Variants in EPG5 observed in about 807,000 individuals in gnomAD.
EPG5 encodes the protein ectopic P-granules 5 autophagy tethering factor, also known as ectopic P granules protein 5 homolog.
A neutral mutation model predicts 302.7 loss-of-function variants in EPG5; 159 were observed. The ratio of observed to expected loss-of-function variants is 0.53; its 90% confidence interval spans 0.46 to 0.60. The LOEUF is 0.60. EPG5 is among the 20% of genes least tolerant of loss of function. EPG5 has a pLI of 0.00. For missense variants in EPG5, 2,896 were observed against 3,092.4 expected, an observed-to-expected ratio of 0.94 and a Z score of 1.51; for synonymous variants, 1,158 against 1,136.8, an observed-to-expected ratio of 1.02 and a Z score of -0.37.
chr18:45,861,655 G>T (rs1050851088), intron 39 of EPG5, among the ~76,000 whole-genome samples: 2 of 152,208 alleles, frequency 1.3e-5, no homozygotes, highest in African/African-American at 4.8e-5. Context: ...TTGCCAGGCT[G>T]ATGCTAAAAT....
chr18:45,858,442 A>G, intron 41 of EPG5, 124 bp downstream of exon 41: 1 of 709,504 alleles, frequency 1.4e-6, no homozygotes, highest in Non-Finnish European at 2.4e-6. Context: ...AACTGTCACC[A>G]TACCTTAAAA....
Position 45,917,711 on chromosome 18 carries a change from G to A in EPG5, c.3207C>T (p.Tyr1069=), listed in dbSNP as rs2050064368. The change falls in exon 17 of 44, where the codon TAC becomes TAT. Residue 1069 remains tyrosine (Y), a synonymous_variant. Coordinates refer to ENST00000282041, the MANE Select transcript of EPG5 (RefSeq NM_020964.3). ...HVLDKILPLF[Y]PCQYYLLKNE... ...TCTTCAGAAGGTAATACTGGCAAGG[G>A]TAAAATAAAGGCAGAATCTTATCCA... 1 of 1,614,168 alleles carries A rather than the reference G, an allele frequency of 6.2e-7. No homozygotes were observed. The highest frequency in any genetic ancestry group is 8.5e-7 in the Non-Finnish European group (1 of 1,180,008).
At chr18:45,854,554 A>G (rs1327816788) in intron 43 of EPG5, among the ~76,000 whole-genome samples, 1 of 152,100 alleles carries the variant, frequency 6.6e-6, no homozygotes, top group Non-Finnish European at 1.5e-5. Flanking sequence ...CCTCATCCAA[A>G]AAACCAGGAT....
chr18:45,965,976 C>G (rs1010403686), intron 1 of EPG5, among the ~76,000 whole-genome samples: 2 of 151,784 alleles, frequency 1.3e-5, no homozygotes, highest in African/African-American at 4.8e-5. Context: ...TCGCTTGAAC[C>G]CGGGAGGCGG....
At chr18:45,910,322 T>C (rs956694053) in intron 23 of EPG5, among the ~76,000 whole-genome samples, 199 bp downstream of exon 23, 3 of 152,162 alleles carry the variant, frequency 2.0e-5, no homozygotes, top group Non-Finnish European at 4.4e-5. Flanking sequence ...CACAAGTACA[T>C]CCAAACTGTT....
At chr18:45,930,636 A>C (rs2050378368) in intron 12 of EPG5, 40 bp downstream of exon 12, 1 of 1,496,026 alleles carries the variant, frequency 6.7e-7, no homozygotes, top group African/African-American at 1.4e-5. Flanking sequence ...AATCCAAAAG[A>C]AAACATTTTT....
intron 1 of EPG5, among the ~76,000 whole-genome samples, chr18:45,960,744 G>A (rs1394279879): frequency 6.6e-6 from 1 of 152,064 alleles, no homozygotes; most frequent in Non-Finnish European, 1.5e-5. Flanking sequence ...TTTCTGGGTT[G>A]TACACTGTGA....
chr18:45,810,179 C>T, the EPG5 span, among the ~76,000 whole-genome samples: 1 of 151,854 alleles, frequency 6.6e-6, no homozygotes, highest in Admixed American at 6.6e-5. Context: ...AATTAAACAC[C>T]CTGCACAGAC....
chr18:45,873,879 G>C (rs1406834016), intron 35 of EPG5, among the ~76,000 whole-genome samples: 2 of 152,314 alleles, frequency 1.3e-5, no homozygotes, highest in South Asian at 2.1e-4. Context: ...GCCATGAAAA[G>C]GCATAAAGAG....
rs373730450 is a variant in EPG5, at chr18:45,896,451, C to T, written c.4809+2953G>A. Among the ~76,000 whole-genome samples the T allele has an allele frequency of 1.6e-4, 24 of 152,320 alleles. 1 individual carries two copies. The highest frequency in any genetic ancestry group is 1.4e-3 in the East Asian group (7 of 5,182). ...GGGCCACAAAATACAGCTATTTTTTCAAATTCTTTACGCTTCTGCAACATC... is the reference window on the plus strand; with the variant it reads ...GGGCCACAAAATACAGCTATTTTTTTAAATTCTTTACGCTTCTGCAACATC... On this transcript the variant is annotated intron_variant, in intron 27 of 43. Transcript: ENST00000282041.
chr18:45,872,171 A>T (rs919149877), intron 35 of EPG5, among the ~76,000 whole-genome samples: 2 of 152,236 alleles, frequency 1.3e-5, no homozygotes, highest in Admixed American at 1.3e-4. Context: ...CATTCATGTA[A>T]GTCATTCTAA....
At chr18:45,935,015 T>A in intron 10 of EPG5, 49 bp from the exon 11 acceptor site, 2 of 1,532,396 alleles carry the variant, frequency 1.3e-6, no homozygotes, top group Middle Eastern at 3.5e-4. Flanking sequence ...TTCATTACAC[T>A]AAGAAAGTAG....
rs1187328434 is a variant in EPG5, at chr18:45,925,769, A to G, written c.2687T>C (p.Leu896Pro). 1 of 1,559,736 alleles carries G rather than the reference A, an allele frequency of 6.4e-7. No individual in the cohort carries two copies. The highest frequency in any genetic ancestry group is 8.6e-7 in the Non-Finnish European group (1 of 1,158,758). ...VVKNKLACVI[L>P]EGLNWGFAKQ... The stretch of plus-strand genomic sequence containing the variant: ...AGCAAATCCCCAATTCAGTCCTTCA[A>G]GAATAACACAGGCCAGTTTATTCTT... The change falls in exon 14 of 44, where the codon CTT becomes CCT. Residue 896 changes from leucine (L) to proline (P), a missense_variant. Coordinates refer to ENST00000282041, the MANE Select transcript of EPG5 (RefSeq NM_020964.3).
At chr18:45,868,425 C>T (rs1475256664) in intron 36 of EPG5, among the ~76,000 whole-genome samples, 1 of 151,842 alleles carries the variant, frequency 6.6e-6, no homozygotes, top group African/African-American at 2.4e-5. Flanking sequence ...GCAACCTCCG[C>T]CTCCTGGCTT....
chr18:45,821,410 T>C, the EPG5 span, among the ~76,000 whole-genome samples: 813 of 152,342 alleles, frequency 5.3e-3, 5 homozygotes, highest in Middle Eastern at 0.024. Context: ...AATGAATATA[T>C]ACTAATTTAT....
At chr18:45,803,519 G>A in the EPG5 span, among the ~76,000 whole-genome samples, 3 of 152,216 alleles carry the variant, frequency 2.0e-5, no homozygotes, top group Non-Finnish European at 4.4e-5. Flanking sequence ...AGCTAAAACT[G>A]AGAAGAAACT....
chr18:45,852,970 C>A (rs1179018543), intron 43 of EPG5, among the ~76,000 whole-genome samples: 1 of 152,224 alleles, frequency 6.6e-6, no homozygotes, highest in African/African-American at 2.4e-5. Flanking sequence ...GGCGCCTCAC[C>A]TGCCACACCG....
At chr18:45,923,489 G>A (rs1367092698) in intron 14 of EPG5, 102 bp from the exon 15 acceptor site, 24 of 1,263,446 alleles carry the variant, frequency 1.9e-5, no homozygotes, top group Middle Eastern at 2.2e-4. Flanking sequence ...AAGGATCTTC[G>A]ATGTAGAAGC....
At chr18:45,872,773 C>G (rs2048898205) in intron 35 of EPG5, among the ~76,000 whole-genome samples, 1 of 152,200 alleles carries the variant, frequency 6.6e-6, no homozygotes, top group South Asian at 2.1e-4. Flanking sequence ...CTTGTACCCT[C>G]AATTCCACAA....
Sources: gnomAD v4.1 joint callset for allele counts (sites outside exome capture counted in the v4.1 genomes callset) on GRCh38, gnomAD v4.1.1 for gene constraint, MANE v1.5 for transcripts, NCBI Gene and HGNC (gene_info 2026-07-23, HGNC 2026-07-21) for gene names.